GRIK2: variants seen among roughly 807,000 people sequenced by gnomAD.
The protein encoded by GRIK2 is glutamate ionotropic receptor kainate type subunit 2.
A neutral mutation model predicts 100.3 loss-of-function variants in GRIK2; 32 were observed. The ratio of observed to expected loss-of-function variants is 0.32; its 90% CI spans 0.24 to 0.43. The LOEUF is 0.43. Ranked by LOEUF, GRIK2 falls within the 20% of genes least tolerant of loss-of-function variation. The pLI is 1.00. For missense variants in GRIK2, 843 were observed against 1,114.9 expected (o/e 0.76, Z 3.47); for synonymous variants, 417 against 389.4 (o/e 1.07, Z -0.83).
chr6:101,721,074 G>T (rs891835403), intron 7 of GRIK2, among the ~76,000 whole-genome samples: 3 of 151,480 alleles, frequency 2.0e-5, no homozygotes, highest in African/African-American at 4.8e-5. Context: ...ATGTCCATTT[G>T]TTTTTTAGAA....
At chr6:101,665,596 T>C (rs1769967538) in intron 4 of GRIK2, among the ~76,000 whole-genome samples, 1 of 152,220 alleles carries the variant, frequency 6.6e-6, no homozygotes, top group Non-Finnish European at 1.5e-5. Flanking sequence ...AAGTTCTCTA[T>C]ATTTTAAAAA....
intron 4 of GRIK2, among the ~76,000 whole-genome samples, chr6:101,661,568 C>T (rs1486745490): frequency 1.3e-5 from 2 of 151,990 alleles, no homozygotes; most frequent in Non-Finnish European, 2.9e-5. Flanking sequence ...CAAATGGCTG[C>T]CCAGTTTTGT....
chr6:101,739,383 T>G (rs1018975608), intron 7 of GRIK2, among the ~76,000 whole-genome samples: 7 of 152,296 alleles, frequency 4.6e-5, no homozygotes, highest in Admixed American at 2.0e-4. Context: ...TTTTTGTGGG[T>G]TTCAGAATTG....
chr6:101,429,176 A>T (rs955536615), intron 2 of GRIK2, among the ~76,000 whole-genome samples: 2 of 152,196 alleles, frequency 1.3e-5, no homozygotes, highest in East Asian at 3.9e-4. Flanking sequence ...CCGGATCTTC[A>T]GTCAAAATAC....
chr6:101,979,984 A>C (rs1209066198), intron 14 of GRIK2, among the ~76,000 whole-genome samples: 1 of 151,916 alleles, frequency 6.6e-6, no homozygotes, highest in Non-Finnish European at 1.5e-5. Flanking sequence ...TTTGGCAGGA[A>C]AGTATGTAAC....
At chr6:101,537,455 C>CGTGTGT (rs559277470) in intron 2 of GRIK2, among the ~76,000 whole-genome samples, 4 of 130,478 alleles carry the variant, frequency 3.1e-5, no homozygotes, top group South Asian at 2.9e-4. Context: ...TGTGTGTGTG[C>CGTGTGT]GTGTGTGTGT....
intron 12 of GRIK2, among the ~76,000 whole-genome samples, chr6:101,897,251 T>G (rs994411968): frequency 1.3e-5 from 2 of 151,824 alleles, no homozygotes; most frequent in African/African-American, 4.8e-5. Context: ...TCTTCCTTTT[T>G]TTTGGACCAG....
chr6:101,744,834 G>A (rs1776329583), intron 7 of GRIK2: 1 of 151,798 alleles, frequency 6.6e-6, no homozygotes, highest in Non-Finnish European at 1.5e-5. Flanking sequence ...GCCCACCTTG[G>A]CCTCCCAAAG....
chr6:101,490,081 G>A lies in GRIK2; in HGVS notation c.115+90689G>A, dbSNP rs1366229627. 2.1e-5 allele frequency among the ~76,000 whole-genome samples: 3 copies of A among 145,964 alleles called. 1 individual carries two copies. Among genetic ancestry groups the A allele is most frequent in the African/African-American group, 7.8e-5 (3 of 38,336 alleles). On this transcript the variant is annotated intron_variant, in intron 2 of 16. Coordinates refer to ENST00000369134, the MANE Select transcript of GRIK2 (RefSeq NM_021956.5). Reference sequence around the variant, plus strand: ...GATAGTCTCATAAAAAGACACAGAGGATACAGCATGGTCTTTATTTACAAC... The same window carrying A: ...GATAGTCTCATAAAAAGACACAGAGAATACAGCATGGTCTTTATTTACAAC...
At chr6:101,608,365 G>A (rs1779525032) in intron 2 of GRIK2, among the ~76,000 whole-genome samples, 1 of 151,858 alleles carries the variant, frequency 6.6e-6, no homozygotes. Flanking sequence ...CCTCCCAGAT[G>A]ATATACATTT....
At chr6:101,500,348 A>T (rs1303002817) in intron 2 of GRIK2, among the ~76,000 whole-genome samples, 1 of 152,118 alleles carries the variant, frequency 6.6e-6, no homozygotes, top group African/African-American at 2.4e-5. Context: ...GATATGTGGG[A>T]TTTATGTGAA....
intron 14 of GRIK2, among the ~76,000 whole-genome samples, chr6:101,999,945 A>G (rs80126095): frequency 8.3e-4 from 127 of 152,174 alleles, no homozygotes; most frequent in Middle Eastern, 6.8e-3. Flanking sequence ...TCATTTGTGT[A>G]TATGATGAAT....
chr6:101,801,441 A>G (rs1312753481), intron 8 of GRIK2, among the ~76,000 whole-genome samples: 2 of 152,000 alleles, frequency 1.3e-5, no homozygotes, highest in African/African-American at 4.8e-5. Flanking sequence ...CTTGCACATA[A>G]GTATCCAAAT....
intron 2 of GRIK2, among the ~76,000 whole-genome samples, chr6:101,540,447 C>T (rs1775930202): frequency 6.6e-6 from 1 of 151,708 alleles, no homozygotes; most frequent in East Asian, 1.9e-4. Context: ...AATGGATATC[C>T]CATTCTCCAT....
chr6:101,551,180 C>A (rs575687727), intron 2 of GRIK2, among the ~76,000 whole-genome samples: 1 of 152,232 alleles, frequency 6.6e-6, no homozygotes, highest in Admixed American at 6.5e-5. Context: ...GCAAGAATAT[C>A]AGATTTTTTC....
chr6:101,909,392 T>G (rs1263386264), intron 12 of GRIK2, among the ~76,000 whole-genome samples: 1 of 145,872 alleles, frequency 6.9e-6, no homozygotes, highest in Non-Finnish European at 1.5e-5. Context: ...CTTTTTTTTT[T>G]TTTTAAAGAT....
chr6:101,977,502 C>G (rs1793461805), intron 14 of GRIK2, among the ~76,000 whole-genome samples: 1 of 151,892 alleles, frequency 6.6e-6, no homozygotes, highest in African/African-American at 2.4e-5. Flanking sequence ...AAAGCCTCAG[C>G]CAGACCAATG....
intron 7 of GRIK2, among the ~76,000 whole-genome samples, chr6:101,724,638 A>T (rs1403475928): frequency 6.6e-6 from 1 of 151,936 alleles, no homozygotes; most frequent in Non-Finnish European, 1.5e-5. Flanking sequence ...TTTAAAATAG[A>T]TTTATGGGAT....
At chr6:101,564,271 G>T (rs1777152228) in intron 2 of GRIK2, among the ~76,000 whole-genome samples, 1 of 152,178 alleles carries the variant, frequency 6.6e-6, no homozygotes, top group Non-Finnish European at 1.5e-5. Flanking sequence ...ATTCTCTTGT[G>T]CACAGCTGTG....
Sources: allele counts gnomAD v4.1 joint callset (sites outside exome capture counted in the v4.1 genomes callset), GRCh38; gene constraint gnomAD v4.1.1; transcripts MANE v1.5; gene names NCBI Gene and HGNC (gene_info 2026-07-23, HGNC 2026-07-21).